MAP3K13: variants seen among roughly 807,000 people sequenced by gnomAD.
MAP3K13 encodes the protein mitogen-activated protein kinase kinase kinase 13.
In MAP3K13, 52 loss-of-function variants were observed where a neutral mutation model predicts 104.0. The ratio of observed to expected loss-of-function variants is 0.50; its 90% CI spans 0.40 to 0.63. The LOEUF (loss-of-function observed/expected upper bound fraction) is 0.63. Ranked by LOEUF, MAP3K13 falls within the 20% of genes least tolerant of loss-of-function variation. The pLI is 0.00. For synonymous variants in MAP3K13, 394 were observed against 442.2 expected, an observed-to-expected ratio of 0.89 and a Z score of 1.37; for missense variants, 914 against 1,218.5, an observed-to-expected ratio of 0.75 and a Z score of 3.72.
intron 1 of MAP3K13, among the ~76,000 whole-genome samples, chr3:185,375,623 T>C (rs941771205): frequency 1.3e-5 from 2 of 152,078 alleles, no homozygotes; most frequent in Non-Finnish European, 2.9e-5. Flanking sequence ...AGTGGCCCGA[T>C]GAGAAGGAGA....
intron 2 of MAP3K13, among the ~76,000 whole-genome samples, chr3:185,297,231 A>G (rs1308141655): frequency 2.0e-5 from 3 of 152,234 alleles, no homozygotes; most frequent in Admixed American, 6.5e-5. Context: ...CATTTGAGAG[A>G]TGGTAGTCAC....
chr3:185,399,661 GGGAAGGAAGGAA>G (rs1192557101), intron 1 of MAP3K13, among the ~76,000 whole-genome samples: 234 of 1,516 alleles, frequency 0.15, 105 homozygotes, highest in African/African-American at 0.39. Flanking sequence ...GAAAAAAGGA[GGGAAGGAAGGAA>G]GGAAGGAAGG....
In MAP3K13 at chr3:185,473,512, C is replaced by G. The variant is rs1374804788; in HGVS notation, c.2181C>G (p.Asp727Glu). Residue 727 changes from aspartate (D) to glutamate (E), a missense_variant, in exon 11 of 14, where the codon GAC (aspartate) becomes GAG (glutamate). Physicochemically the swap from Asp to Glu is conservative, Grantham distance 45. Coordinates refer to ENST00000265026, the MANE Select transcript of MAP3K13 (RefSeq NM_004721.5). This position sits in a 1 kb window ranked among gnomAD's most constrained non-coding sequence, Gnocchi z 4.9. The stretch of plus-strand genomic sequence containing the variant: ...GTCCCTGGGGCTGTTGCCAGGCTGA[C>G]GCTTATGACCCCTGCCTTCAGTGCA... ...QAGPWGCCQA[D>E]AYDPCLQCRP... 7 of 1,614,232 alleles carry G rather than the reference C, an allele frequency of 4.3e-6. No individual in the cohort carries two copies. Among genetic ancestry groups the G allele is most frequent in the Non-Finnish European group, 5.9e-6 (7 of 1,180,052 alleles).
At chr3:185,293,016 T>C (rs1450099943) in intron 2 of MAP3K13, 11 of 980,588 alleles carry the variant, frequency 1.1e-5, no homozygotes, top group Non-Finnish European at 1.3e-5. Flanking sequence ...TATGTACAAA[T>C]GTGTGTGTGT....
At chr3:185,451,167 G>A in intron 6 of MAP3K13, 120 bp from the exon 7 acceptor site, 2 of 631,410 alleles carry the variant, frequency 3.2e-6, no homozygotes, top group South Asian at 1.9e-5. Context: ...ATGGAGTACA[G>A]CTGGTTTTAC....
At position 185,330,193 on chromosome 3, in the gene MAP3K13, G is replaced by A. The variant is rs1023834552; in HGVS notation, c.-86+44550G>A. On this transcript the variant is annotated intron_variant, in intron 2 of 14. Transcript: ENST00000424227. ...TGGGATTACAGGCGTGAGCCACCGC[G>A]CCCGGCCTAGCCAGTAGCCTTTCAA... 5.3e-5 allele frequency among the ~76,000 whole-genome samples: 8 copies of A among 151,796 alleles called. No homozygotes were observed. In the East Asian group the frequency reaches 7.8e-4, roughly 15 times the overall value.
At chr3:185,388,744 A>C (rs972380924) in intron 1 of MAP3K13, among the ~76,000 whole-genome samples, 2 of 152,206 alleles carry the variant, frequency 1.3e-5, no homozygotes, top group Non-Finnish European at 2.9e-5. Context: ...CTGAACAAAA[A>C]GAACAAAGCT....
In MAP3K13 at chr3:185,483,728, TTTTGACAGA is replaced by T. The variant is rs1718593714; in HGVS notation, c.*1273_*1281del. The T allele has an allele frequency of 6.7e-5, 1 of 14,948 alleles. No individual in the cohort carries two copies. 0.9% of individuals were successfully genotyped at this position (14,948 alleles called of 1,614,324 possible). A position where few individuals can be genotyped will look rare whatever the true frequency, so the allele number is the denominator to read the frequency against. On this transcript the variant is annotated 3_prime_UTR_variant, in exon 14 of 14. Coordinates refer to ENST00000265026, the MANE Select transcript of MAP3K13 (RefSeq NM_004721.5). ...TAGAAGTTCTTTTTTTTTTTTTTTTTTTTGACAGAGTTTTGCTCTTTTTGCCCAGGCTAG... is the reference window on the plus strand; with the variant it reads ...TAGAAGTTCTTTTTTTTTTTTTTTTTGTTTTGCTCTTTTTGCCCAGGCTAG...
chr3:185,477,251 C>T (rs1718183805), intron 11 of MAP3K13, 75 bp from the exon 12 acceptor site: 2 of 911,826 alleles, frequency 2.2e-6, no homozygotes, highest in Non-Finnish European at 3.6e-6. Flanking sequence ...ACATTTTTTA[C>T]AGTTAGTGGG....
intron 2 of MAP3K13, among the ~76,000 whole-genome samples, chr3:185,343,144 T>C (rs539552579): frequency 6.6e-6 from 1 of 152,306 alleles, no homozygotes; most frequent in East Asian, 1.9e-4. Context: ...TTATATAGCA[T>C]ATTCACATAT....
In MAP3K13 at chr3:185,428,665, A is replaced by G. The variant is rs1714565497; in HGVS notation, c.84A>G (p.Gln28=). ...FSESKTFNGL[Q]DELTAMGNHP... ...AAAGCAAAACCTTCAATGGACTACAAGATGAGCTCACAGCTATGGGGAACC... is the reference window on the plus strand; with the variant it reads ...AAAGCAAAACCTTCAATGGACTACAGGATGAGCTCACAGCTATGGGGAACC... Residue 28 remains glutamine (Q), a synonymous_variant, in exon 2 of 14, where the codon CAA becomes CAG. Transcript: ENST00000265026. The G allele has an allele frequency of 6.2e-7, 1 of 1,614,168 alleles. No individual in the cohort carries two copies. Among genetic ancestry groups the G allele is most frequent in the Non-Finnish European group, 8.5e-7 (1 of 1,180,014 alleles).
At chr3:185,319,092 T>C (rs1721772591) in intron 2 of MAP3K13, among the ~76,000 whole-genome samples, 1 of 152,216 alleles carries the variant, frequency 6.6e-6, no homozygotes, top group African/African-American at 2.4e-5. Flanking sequence ...AATGAAATCC[T>C]ATTGTATGTC....
At chr3:185,311,905 A>G (rs1560043173) in intron 2 of MAP3K13, among the ~76,000 whole-genome samples, 1 of 152,388 alleles carries the variant, frequency 6.6e-6, no homozygotes, top group East Asian at 1.9e-4. Flanking sequence ...CTATTCATTC[A>G]TTGGAATAAA....
chr3:185,462,039 A>G (rs181401430), intron 7 of MAP3K13, among the ~76,000 whole-genome samples: 38 of 152,310 alleles, frequency 2.5e-4, no homozygotes, highest in Admixed American at 4.6e-4. Flanking sequence ...CGATCTGGAG[A>G]GATACTTTTT....
chr3:185,373,885 C>T (rs1251370501), intron 1 of MAP3K13, among the ~76,000 whole-genome samples: 4 of 138,564 alleles, frequency 2.9e-5, no homozygotes, highest in Admixed American at 1.5e-4. Flanking sequence ...TGGGTGCAGG[C>T]GGGCTGAGTC....
chr3:185,460,616 T>C (rs1375837422), intron 7 of MAP3K13, among the ~76,000 whole-genome samples: 1 of 152,192 alleles, frequency 6.6e-6, no homozygotes, highest in African/African-American at 2.4e-5. Flanking sequence ...TAAGCTCAAA[T>C]TGGAACTCCT....
intron 1 of MAP3K13, among the ~76,000 whole-genome samples, chr3:185,414,382 G>T (rs562705291): frequency 1.5e-4 from 23 of 152,166 alleles, no homozygotes; most frequent in African/African-American, 5.5e-4. Flanking sequence ...CTAGACGGTG[G>T]GAAAAGAAAA....
intron 3 of MAP3K13, among the ~76,000 whole-genome samples, chr3:185,441,755 T>C (rs898781665): frequency 3.3e-5 from 5 of 150,982 alleles, no homozygotes; most frequent in Non-Finnish European, 7.4e-5. Flanking sequence ...ATAAAAAAAA[T>C]TGGTGGCCAG....
intron 1 of MAP3K13, among the ~76,000 whole-genome samples, chr3:185,285,031 G>GGTGTGT (rs10634892): frequency 4.7e-5 from 7 of 148,930 alleles, no homozygotes; most frequent in African/African-American, 1.2e-4. Context: ...ATGTCATACG[G>GGTGTGT]GTGTGTGTGT....
Sources: gnomAD v4.1 joint callset for allele counts (sites outside exome capture counted in the v4.1 genomes callset) on GRCh38, gnomAD v4.1.1 for gene constraint, Gnocchi (gnomAD v3.1) non-coding constraint, MANE v1.5 for transcripts, NCBI Gene and HGNC (gene_info 2026-07-23, HGNC 2026-07-21) for gene names.